The following SHOC2 variants were observed in gnomAD, a reference collection of about 807,000 sequenced individuals.
SHOC2 encodes the protein leucine-rich repeat protein SHOC-2.
In SHOC2, 4 loss-of-function variants were observed where a neutral mutation model predicts 50.2. The ratio of observed to expected loss-of-function variants is 0.08; its 90% CI spans 0.04 to 0.18. The LOEUF (loss-of-function observed/expected upper bound fraction) is 0.18, where lower values mean the gene tolerates loss of function less well. Ranked by LOEUF, SHOC2 falls within the 10% of genes least tolerant of loss-of-function variation. The pLI, the probability that SHOC2 is intolerant of heterozygous loss-of-function variation, is 1.00. For synonymous variants in SHOC2, 218 were observed against 244.5 expected (o/e 0.89, Z 1.01); for missense variants, 388 against 669.6 (o/e 0.58, Z 4.64).
intron 1 of SHOC2, among the ~76,000 whole-genome samples, chr10:110,961,813 C>T (rs1847577582): frequency 6.6e-6 from 1 of 152,002 alleles, no homozygotes; most frequent in Admixed American, 6.5e-5. Flanking sequence ...AATACAGTTT[C>T]TTTCTTGACC....
At chr10:110,941,135 C>G (rs922916721) in intron 1 of SHOC2, among the ~76,000 whole-genome samples, 1 of 151,740 alleles carries the variant, frequency 6.6e-6, no homozygotes, top group African/African-American at 2.4e-5. Flanking sequence ...ATTTCTCTCT[C>G]CCCATCTCTC....
chr10:110,937,048 C>G (rs749276980), intron 1 of SHOC2: 13 of 1,487,412 alleles, frequency 8.7e-6, no homozygotes, highest in Admixed American at 5.0e-5. Context: ...GGTTGGTGTT[C>G]ATCCGCTTGC....
Position 110,975,280 on chromosome 10 carries a change from C to T in SHOC2, c.703+10219C>T, listed in dbSNP as rs372475510. The stretch of plus-strand genomic sequence containing the variant: ...ACGCCATTCTCCTGCCTCAGTCTCC[C>T]CAGTAGCTGGGACTACAGGTGCCTG... On this transcript the variant is annotated intron_variant, in intron 2 of 8. Transcript: ENST00000369452. Among the ~76,000 whole-genome samples, 485 of 152,146 alleles carry T rather than the reference C, an allele frequency of 3.2e-3. 26 individuals carry two copies. In the South Asian group the frequency reaches 0.093, roughly 29 times the overall value.
intron 6 of SHOC2, among the ~76,000 whole-genome samples, chr10:111,009,020 CTTTTG>C (rs1393439591): frequency 6.6e-6 from 1 of 151,888 alleles, no homozygotes; most frequent in East Asian, 1.9e-4. Flanking sequence ...TAAATTGCTT[CTTTTG>C]TTTTCATTAG....
chr10:110,932,003 G>A (rs185875224), intron 1 of SHOC2, among the ~76,000 whole-genome samples: 109 of 152,250 alleles, frequency 7.2e-4, no homozygotes, highest in Non-Finnish European at 1.1e-3. Context: ...ACACAGAGGA[G>A]GTGGTATGCA....
At chr10:110,991,854 A>G (rs1437733569) in intron 3 of SHOC2, among the ~76,000 whole-genome samples, 2 of 152,180 alleles carry the variant, frequency 1.3e-5, no homozygotes, top group African/African-American at 4.8e-5. Flanking sequence ...CTCCTTTTTT[A>G]AATCCTACTC....
At chr10:110,951,737 C>G (rs1847357073) in intron 1 of SHOC2, 1 of 152,178 alleles carries the variant, frequency 6.6e-6, no homozygotes, top group Non-Finnish European at 1.5e-5. Context: ...CTGATCTTGG[C>G]CCACTGCAAC....
At chr10:110,976,454 G>A (rs1335157524) in intron 2 of SHOC2, among the ~76,000 whole-genome samples, 3 of 151,936 alleles carry the variant, frequency 2.0e-5, no homozygotes, top group Non-Finnish European at 4.4e-5. Context: ...TGGGACTACA[G>A]GTGTGTGCAC....
At chr10:110,983,153 A>C (rs1310537871) in intron 2 of SHOC2, among the ~76,000 whole-genome samples, 1 of 151,986 alleles carries the variant, frequency 6.6e-6, no homozygotes, top group Admixed American at 6.5e-5. Context: ...TTATCTTTTT[A>C]AACACCATAG....
At chr10:111,000,815 G>A (rs1590831597) in intron 4 of SHOC2, among the ~76,000 whole-genome samples, 1 of 152,060 alleles carries the variant, frequency 6.6e-6, no homozygotes, top group African/African-American at 2.4e-5. Context: ...TTCTACTTTA[G>A]CACCATGTAA....
rs1848066678 is a variant in SHOC2, at chr10:110,985,847, T to TG, written c.841+83dup. 2.4e-6 allele frequency: 3 copies of TG among 1,245,770 alleles called. No individual in the cohort carries two copies. The South Asian group carries it at 3.8e-5, about 16-fold the overall frequency. 77.2% of individuals were successfully genotyped at this position (1,245,770 alleles called of 1,614,324 possible). On this transcript the variant is annotated intron_variant, in intron 3 of 8. Transcript: ENST00000369452. ...GGACTATTTTTGATCCATTTGGTAA[T>TG]GAAAATTCAGGAGTAAAATTCACAA...
At chr10:110,980,369 G>A (rs1847953289) in intron 2 of SHOC2, among the ~76,000 whole-genome samples, 1 of 152,002 alleles carries the variant, frequency 6.6e-6, no homozygotes, top group African/African-American at 2.4e-5. Context: ...TGTTAGCCAG[G>A]ATGGTCTCGA....
intron 3 of SHOC2, among the ~76,000 whole-genome samples, chr10:110,991,017 T>C (rs1848176633): frequency 6.6e-6 from 1 of 152,222 alleles, no homozygotes. Context: ...CTCCTAAATA[T>C]CTGTGTAACT....
intron 6 of SHOC2, 95 bp from the exon 7 acceptor site, chr10:111,009,153 A>G: frequency 1.2e-6 from 1 of 826,414 alleles, no homozygotes; most frequent in Non-Finnish European, 2.0e-6. Flanking sequence ...CACTGTTTGG[A>G]AAATTAGCAT....
intron 4 of SHOC2, among the ~76,000 whole-genome samples, chr10:111,003,534 C>A (rs1352109359): frequency 1.3e-5 from 2 of 152,088 alleles, no homozygotes; most frequent in Non-Finnish European, 2.9e-5. Context: ...TTAGTCTTCA[C>A]TATGGCCCAT....
At chr10:110,948,373 C>T (rs1847288342) in intron 1 of SHOC2, among the ~76,000 whole-genome samples, 2 of 152,124 alleles carry the variant, frequency 1.3e-5, no homozygotes, top group Non-Finnish European at 2.9e-5. Context: ...ACTTGAACAA[C>T]ATTTTAGGCC....
chr10:110,998,035 G>GT (rs1260245737), intron 3 of SHOC2, among the ~76,000 whole-genome samples: 1 of 145,628 alleles, frequency 6.9e-6, no homozygotes, highest in African/African-American at 2.6e-5. Context: ...GCCTTGCTGT[G>GT]CCACCCAGGC....
At chr10:110,953,243 T>C (rs113383090) in intron 1 of SHOC2, among the ~76,000 whole-genome samples, 15,330 of 152,214 alleles carry the variant, frequency 0.1, 1,019 homozygotes, top group Middle Eastern at 0.16. Context: ...TTCCTTACTT[T>C]TTAATAATCA....
At chr10:111,005,398 A>G (rs1390743656) in intron 5 of SHOC2, among the ~76,000 whole-genome samples, 1 of 152,188 alleles carries the variant, frequency 6.6e-6, no homozygotes, top group Admixed American at 6.5e-5. Context: ...TAAGTAGTTT[A>G]TCTTTAGTGG....
Sources: gnomAD v4.1 joint callset for allele counts (sites outside exome capture counted in the v4.1 genomes callset) on GRCh38, gnomAD v4.1.1 for gene constraint, MANE v1.5 for transcripts, NCBI Gene and HGNC (gene_info 2026-07-23, HGNC 2026-07-21) for gene names.